Variants in HMCN2 observed in about 807,000 individuals in gnomAD.
The protein encoded by HMCN2 is hemicentin-2.
In HMCN2, 325 loss-of-function variants were observed where a neutral mutation model predicts 377.5. That is an observed-to-expected ratio of 0.86 (90% CI 0.79 to 0.94). The LOEUF (loss-of-function observed/expected upper bound fraction) is 0.94. Ranked by LOEUF, HMCN2 falls within the 40% of genes least tolerant of loss-of-function variation. The pLI is 0.00. For synonymous variants in HMCN2, 2,007 were observed against 2,046.8 expected (o/e 0.98, Z 0.53); for missense variants, 4,543 against 4,725.3 (o/e 0.96, Z 1.13).
intron 22 of HMCN2, among the ~76,000 whole-genome samples, chr9:130,333,604 C>T (rs1013053727): frequency 3.0e-4 from 45 of 152,236 alleles, no homozygotes; most frequent in African/African-American, 1.1e-3. Context: ...CTGCCCCGCT[C>T]ATCACACCAT....
At chr9:130,278,816 G>A (rs1402905948) in intron 1 of HMCN2, among the ~76,000 whole-genome samples, 2 of 150,002 alleles carry the variant, frequency 1.3e-5, no homozygotes, top group East Asian at 4.0e-4. Flanking sequence ...CCCAACCTCA[G>A]GTGATCCACC....
At chr9:130,331,138 C>G (rs1838403857) in intron 22 of HMCN2, among the ~76,000 whole-genome samples, 1 of 147,530 alleles carries the variant, frequency 6.8e-6, no homozygotes, top group African/African-American at 2.5e-5. Flanking sequence ...ATCCTTGCAA[C>G]AGAGCAAGAC....
In HMCN2 at chr9:130,432,499, C is replaced by G; in HGVS notation, c.14838C>G (p.Ser4946Arg). The change falls in exon 97 of 98, where the codon AGC becomes AGG. Residue 4946 changes from serine to arginine, a missense_variant. By Grantham distance (110) the Ser-to-Arg change is moderately radical (BLOSUM62 -1). Transcript: ENST00000683500. ...AGATGTGCTTCAACACCCGTGGCAG[C>G]TACCAGTGTGTGGACACACCCTGTC... ...PGQMCFNTRG[S>R]YQCVDTPCPA... is the part of the protein sequence containing the mutation. The G allele has an allele frequency of 1.3e-6, 2 of 1,550,686 alleles. No homozygotes were observed. The highest frequency in any genetic ancestry group is 1.2e-5 in the South Asian group (1 of 84,070).
At position 130,403,893 on chromosome 9, in the gene HMCN2, G is replaced by A; in HGVS notation, c.12148+18G>A. 3.1e-6 allele frequency: 4 copies of A among 1,284,248 alleles called. No homozygotes were observed. Among genetic ancestry groups the A allele is most frequent in the Middle Eastern group, 2.1e-4 (1 of 4,670 alleles). The allele number at this position is 1,284,248 out of a possible 1,614,324, so 79.6% of individuals were successfully genotyped here. On this transcript the variant is annotated intron_variant, in intron 80 of 97. Transcript: ENST00000683500. ...GGTGCAAGGTGGGAGTGAGGACGGG[G>A]CCGAGGTGGGCCCTGGCAACTGAGG...
chr9:130,405,580 G>A (rs1002534593), intron 81 of HMCN2, among the ~76,000 whole-genome samples: 9 of 152,192 alleles, frequency 5.9e-5, no homozygotes, highest in African/African-American at 2.4e-5. Context: ...TGAGCGCACC[G>A]GCCCTGCTTG....
intron 62 of HMCN2, among the ~76,000 whole-genome samples, chr9:130,390,718 G>T (rs1842274679): frequency 6.6e-6 from 1 of 152,182 alleles, no homozygotes; most frequent in Admixed American, 6.5e-5. Flanking sequence ...CTTGATTGAT[G>T]GGGGTAGAGG....
At position 130,394,975 on chromosome 9, in the gene HMCN2, G is replaced by A; in HGVS notation, c.10693-52G>A. ...ATGCATGAGAAAGAAACCAGATTGG[G>A]AGGCGGGCAGAGAGGGGCCAGGGGC... On this transcript the variant is annotated intron_variant, in intron 69 of 97. Transcript: ENST00000683500. This position sits in a 1 kb window ranked among gnomAD's most constrained non-coding sequence, Gnocchi z 5.1. 1.7e-6 allele frequency: 2 copies of A among 1,149,282 alleles called. No homozygotes were observed. The highest frequency in any genetic ancestry group is 3.2e-5 in the African/African-American group (2 of 62,584). The allele number at this position is 1,149,282 out of a possible 1,614,324, so 71.2% of individuals were successfully genotyped here.
intron 94 of HMCN2, 176 bp downstream of exon 94, chr9:130,429,861 A>C: frequency 7.5e-6 from 9 of 1,205,722 alleles, no homozygotes; most frequent in Non-Finnish European, 1.0e-5. Context: ...GAATAACCAA[A>C]CAGCAGCCGA....
intron 21 of HMCN2, among the ~76,000 whole-genome samples, chr9:130,326,446 G>A (rs960864074): frequency 1.6e-3 from 241 of 152,226 alleles, no homozygotes; most frequent in African/African-American, 2.9e-3. Context: ...AAGATGGGGC[G>A]GGACCTGTCT....
chr9:130,430,678 TGTC>T, intron 95 of HMCN2, 74 bp downstream of exon 95: 1 of 1,362,008 alleles, frequency 7.3e-7, no homozygotes. Flanking sequence ...GGTGTGCAGG[TGTC>T]ACCCACCGAG....
chr9:130,432,914 C>G, intron 97 of HMCN2: 1 of 365,408 alleles, frequency 2.7e-6, no homozygotes, highest in East Asian at 5.4e-5. Context: ...AAGGTTTCTC[C>G]CGGCGGGTGA....
rs1554927299 is a variant in HMCN2 at position 130,285,328 on chromosome 9, G to A, written c.489+12G>A. 5 of 470,626 alleles carry A rather than the reference G, an allele frequency of 1.1e-5. No homozygotes were observed. Among genetic ancestry groups the A allele is most frequent in the South Asian group, 3.1e-5 (2 of 64,570 alleles). 29.2% of individuals were successfully genotyped at this position (470,626 alleles called of 1,614,324 possible). On this transcript the variant is annotated intron_variant, in intron 3 of 97. Coordinates refer to ENST00000683500, the MANE Select transcript of HMCN2 (RefSeq NM_001291815.2). ...TCAAGCAATCACAGGTGGGTGAGCC[G>A]GCTGTGGGGGCCCAAAGTGGGGTCC... is the stretch of plus-strand genomic sequence containing the variant.
Position 130,382,722 on chromosome 9 carries a change from G to T in HMCN2, c.8589G>T (p.Glu2863Asp). Reference protein sequence around the residue: ...ILGDTEELVEEVTVNASSTVS... With the variant: ...ILGDTEELVEDVTVNASSTVS... ...GTGACACAGAGGAGCTGGTGGAAGA[G>T]GTGACAGTCAATGCCAGCAGCACCG... The change falls in exon 56 of 98, where the codon GAG becomes GAT. Residue 2863 changes from glutamate (E) to aspartate (D), a missense_variant. Around this residue, in one of 5 missense-constraint regions of HMCN2, gnomAD observed 736 missense variants for 773.2 expected, o/e 0.95. Transcript: ENST00000683500. 1.0e-6 allele frequency: 1 copy of T among 985,846 alleles called. No homozygotes were observed. The highest frequency in any genetic ancestry group is 1.2e-6 in the Non-Finnish European group (1 of 829,972). 61.1% of individuals were successfully genotyped at this position (985,846 alleles called of 1,614,324 possible). A position where few individuals can be genotyped will look rare whatever the true frequency, so the allele number is the denominator to read the frequency against.
At chr9:130,346,785 C>T (rs1418190527) in intron 25 of HMCN2, among the ~76,000 whole-genome samples, 2 of 152,034 alleles carry the variant, frequency 1.3e-5, no homozygotes, top group African/African-American at 4.8e-5. Context: ...ATAGACGCGT[C>T]CTCTGATCAC....
intron 15 of HMCN2, among the ~76,000 whole-genome samples, chr9:130,311,716 G>A (rs1452228781): frequency 6.6e-6 from 1 of 152,136 alleles, no homozygotes. Context: ...GGAATAGCAC[G>A]TGCAGCCCTC....
At chr9:130,406,305 G>A (rs1843090745) in intron 82 of HMCN2, 137 bp downstream of exon 82, 1 of 638,196 alleles carries the variant, frequency 1.6e-6, no homozygotes, top group Non-Finnish European at 2.4e-6. Flanking sequence ...GTCTTCCAAC[G>A]TGGCCCTATG....
chr9:130,291,862 G>A (rs1368540102), intron 4 of HMCN2, among the ~76,000 whole-genome samples: 3 of 152,092 alleles, frequency 2.0e-5, no homozygotes, highest in Admixed American at 1.3e-4. Flanking sequence ...TTTCATCAAG[G>A]GCTGTGCATT....
chr9:130,413,841 A>G (rs1261675041), intron 85 of HMCN2, among the ~76,000 whole-genome samples: 1 of 152,104 alleles, frequency 6.6e-6, no homozygotes, highest in Non-Finnish European at 1.5e-5. Flanking sequence ...AGTAAGAAAG[A>G]AAACTTGTAA....
rs1479731537 is a variant in HMCN2, at chr9:130,433,578, A to G, written c.15125A>G (p.Tyr5042Cys). The G allele has an allele frequency of 1.5e-5, 22 of 1,507,450 alleles. No individual in the cohort carries two copies. Among genetic ancestry groups the G allele is most frequent in the Non-Finnish European group, 1.9e-5 (22 of 1,130,934 alleles). 93.4% of individuals were successfully genotyped at this position (1,507,450 alleles called of 1,614,324 possible). A position where few individuals can be genotyped will look rare whatever the true frequency, so the allele number is the denominator to read the frequency against. Residue 5042 changes from tyrosine (Y) to cysteine (C), a missense_variant, in exon 98 of 98, where the codon TAC becomes TGC. Coordinates refer to ENST00000683500, the MANE Select transcript of HMCN2 (RefSeq NM_001291815.2). ...CTGCGCGCGGGCCTTGGCGCGGTCT[A>G]CACCCGTCGCGCGCTCACCCGCGCC... ...RPLRAGLGAVYTRRALTRAGL... is the reference protein window; with the variant it reads ...RPLRAGLGAVCTRRALTRAGL...
Sources: allele counts gnomAD v4.1 joint callset (sites outside exome capture counted in the v4.1 genomes callset), GRCh38; gene constraint gnomAD v4.1.1; regional missense constraint gnomAD v4.1.1; non-coding constraint Gnocchi (gnomAD v3.1); transcripts MANE v1.5; gene names NCBI Gene and HGNC (gene_info 2026-07-23, HGNC 2026-07-21).